KTN1: variants seen among roughly 807,000 people sequenced by gnomAD.
The protein encoded by KTN1 is kinectin.
KTN1 carries 130 observed loss-of-function variants against 222.5 expected under a neutral mutation model. The observed-to-expected ratio is 0.58, with a 90% CI of 0.51 to 0.68. KTN1 has a LOEUF of 0.68. Among genes scored for constraint, KTN1 ranks in the 30% least tolerant of loss-of-function variants. The probability of loss-of-function intolerance (pLI) is 0.00; values close to 1 mark genes in which losing one functional copy is unlikely to be tolerated. For missense variants in KTN1, 1,508 were observed against 1,500.4 expected, an observed-to-expected ratio of 1.01 and a Z score of -0.08; for synonymous variants, 512 against 496.3, an observed-to-expected ratio of 1.03 and a Z score of -0.42.
chr14:55,653,707 A>G (rs2043171745), intron 28 of KTN1, 111 bp downstream of exon 28: 5 of 744,448 alleles, frequency 6.7e-6, no homozygotes, highest in Non-Finnish European at 1.1e-5. Context: ...TTTATTGTTA[A>G]GTGGAAATTA....
chr14:55,640,014 T>C lies in KTN1; in HGVS notation c.1914+11T>C, dbSNP rs1322337808. On this transcript the variant is annotated intron_variant, in intron 14 of 43. Transcript: ENST00000395314. Reference sequence around the variant, plus strand: ...GAAGAGGAACTTAAGGTATAGTAATTTGTATAAATGGCTGCAATATTTTAC... The same window carrying C: ...GAAGAGGAACTTAAGGTATAGTAATCTGTATAAATGGCTGCAATATTTTAC... 3 of 1,463,512 alleles carry C rather than the reference T, an allele frequency of 2.0e-6. No individual in the cohort carries two copies. The highest frequency in any genetic ancestry group is 1.4e-5 in the African/African-American group (1 of 71,828). 90.7% of individuals were successfully genotyped at this position (1,463,512 alleles called of 1,614,324 possible).
chr14:55,627,901 C>T lies in KTN1; in HGVS notation c.964-11C>T, dbSNP rs1237527301. On this transcript the variant is annotated splice_polypyrimidine_tract_variant and intron_variant, in intron 5 of 43. Coordinates refer to ENST00000395314, the MANE Select transcript of KTN1 (RefSeq NM_001079521.2). ...ACTATTACTAATTCTGCATTGCTTT[C>T]TCAATTGCAGTCAAGTAAGGGAGAA... The T allele has an allele frequency of 3.3e-5, 50 of 1,494,052 alleles. No individual in the cohort carries two copies. The highest frequency in any genetic ancestry group is 4.1e-5 in the Non-Finnish European group (44 of 1,072,910). 92.5% of individuals were successfully genotyped at this position (1,494,052 alleles called of 1,614,324 possible). A position where few individuals can be genotyped will look rare whatever the true frequency, so the allele number is the denominator to read the frequency against.
Position 55,673,212 on chromosome 14 carries a change from A to G in KTN1, c.3728A>G (p.Asp1243Gly). 6.2e-7 allele frequency: 1 copy of G among 1,613,222 alleles called. No individual in the cohort carries two copies. The highest frequency in any genetic ancestry group is 8.5e-7 in the Non-Finnish European group (1 of 1,179,428). ...LLTELQKKLD[D>G]SYSEAVRQNE... is the part of the protein sequence containing the mutation. ...ACTGAATTGCAGAAAAAACTTGATG[A>G]TTCATATTCTGAAGCAGTAAGACAG... Residue 1243 changes from aspartate to glycine, a missense_variant, in exon 40 of 44, where the codon GAT (aspartate) becomes GGT (glycine). By Grantham distance (94) the Asp-to-Gly change is moderately conservative (BLOSUM62 -1). Transcript: ENST00000395314.
rs747850716 is a variant in KTN1, at chr14:55,637,304, G to A, written c.1656G>A (p.Gln552=). The change falls in exon 11 of 44, where the codon CAG becomes CAA. Residue 552 remains glutamine, a synonymous_variant. Transcript: ENST00000395314. ...SKQQLEQRLM[Q]LMESEQKRVN... ...AACAGTTGGAGCAAAGACTAATGCA[G>A]TTAATGGAATCAGAGCAGAAAAGGG... 1.2e-6 allele frequency: 2 copies of A among 1,610,748 alleles called. No homozygotes were observed. Among genetic ancestry groups the A allele is most frequent in the Admixed American group, 1.7e-5 (1 of 59,888 alleles).
At chr14:55,661,740 C>T (rs947792805) in intron 32 of KTN1, 128 bp downstream of exon 32, 41 of 483,096 alleles carry the variant, frequency 8.5e-5, no homozygotes, top group Non-Finnish European at 1.3e-4. Flanking sequence ...GTACTATTTT[C>T]TGTGTGTAGT....
At chr14:55,680,613 G>T (rs2046280664) in intron 43 of KTN1, 1 of 801,522 alleles carries the variant, frequency 1.2e-6, no homozygotes, top group African/African-American at 1.8e-5. Flanking sequence ...GCCTCAGGGA[G>T]AGCTTAGGTA....
At chr14:55,586,936 C>T (rs1031408935) in intron 1 of KTN1, among the ~76,000 whole-genome samples, 1 of 152,230 alleles carries the variant, frequency 6.6e-6, no homozygotes, top group South Asian at 2.1e-4. Flanking sequence ...ATGGTTACCT[C>T]GAAAACGCCA....
intron 33 of KTN1, among the ~76,000 whole-genome samples, chr14:55,666,699 A>G (rs1363548363): frequency 6.6e-6 from 1 of 151,754 alleles, no homozygotes; most frequent in Admixed American, 6.6e-5. Flanking sequence ...TTTCCCATTT[A>G]TGTCATCCAT....
Position 55,635,896 on chromosome 14 carries a change from A to G in KTN1, c.1462-553A>G, listed in dbSNP as rs991865755. Reference sequence around the variant, plus strand: ...TCTTAAGTCTTGTTGGGAGATTGATATAAGTATCCTTTCTTTTATTTAATA... The same window carrying G: ...TCTTAAGTCTTGTTGGGAGATTGATGTAAGTATCCTTTCTTTTATTTAATA... On this transcript the variant is annotated intron_variant, in intron 9 of 43. Coordinates refer to ENST00000395314, the MANE Select transcript of KTN1 (RefSeq NM_001079521.2). Among the ~76,000 whole-genome samples, 5 of 152,292 alleles carry G rather than the reference A, an allele frequency of 3.3e-5. No individual in the cohort carries two copies. The East Asian group carries it at 7.7e-4, about 23-fold the overall frequency.
intron 29 of KTN1, among the ~76,000 whole-genome samples, chr14:55,656,582 T>C (rs2043501033): frequency 6.6e-6 from 1 of 151,936 alleles, no homozygotes; most frequent in Non-Finnish European, 1.5e-5. Flanking sequence ...CTCCTTGCCT[T>C]AGCCTCTAGA....
chr14:55,613,107 G>A (rs955142786), intron 2 of KTN1, among the ~76,000 whole-genome samples: 1 of 152,072 alleles, frequency 6.6e-6, no homozygotes, highest in Non-Finnish European at 1.5e-5. Context: ...TTTATGCTAG[G>A]CATTATGCTA....
At chr14:55,602,507 A>AATCACTTTAATC in intron 1 of KTN1, among the ~76,000 whole-genome samples, 1 of 152,206 alleles carries the variant, frequency 6.6e-6, no homozygotes, top group African/African-American at 2.4e-5. Context: ...TCAGTGGAAG[A>AATCACTTTAATC]TTAAAGTGAG....
chr14:55,643,791 C>T (rs954159013), intron 18 of KTN1, among the ~76,000 whole-genome samples: 2 of 151,988 alleles, frequency 1.3e-5, no homozygotes, highest in Non-Finnish European at 2.9e-5. Context: ...TGTAAAATTC[C>T]CAATCATATT....
intron 42 of KTN1, 70 bp downstream of exon 42, chr14:55,678,514 A>G (rs1472565286): frequency 2.9e-5 from 26 of 891,076 alleles, no homozygotes; most frequent in African/African-American, 3.3e-5. Context: ...ACAAAAATGT[A>G]TAAGGTCCAT....
chr14:55,588,553 C>T (rs146448094), intron 1 of KTN1, among the ~76,000 whole-genome samples: 1 of 152,244 alleles, frequency 6.6e-6, no homozygotes, highest in East Asian at 1.9e-4. Flanking sequence ...GGACAGAATG[C>T]TCATGTGGAG....
At chr14:55,646,460 T>TTTTTCC (rs2042312174) in intron 18 of KTN1, among the ~76,000 whole-genome samples, 1 of 48,978 alleles carries the variant, frequency 2.0e-5, no homozygotes, top group East Asian at 5.7e-4. Flanking sequence ...TTCCTTTTCC[T>TTTTTCC]TTTCCTTTCC....
chr14:55,632,537 A>G (rs1317882298), intron 7 of KTN1, among the ~76,000 whole-genome samples: 3 of 152,116 alleles, frequency 2.0e-5, no homozygotes, highest in Admixed American at 1.3e-4. Context: ...CTGCAGGGAG[A>G]GGAATGGGAG....
chr14:55,623,454 A>G (rs773409110), intron 5 of KTN1, among the ~76,000 whole-genome samples: 1 of 152,180 alleles, frequency 6.6e-6, no homozygotes, highest in African/African-American at 2.4e-5. Context: ...ATCTCTGCTC[A>G]CCGTAGCCTT....
chr14:55,675,440 T>C (rs1028944140), intron 40 of KTN1: 1 of 160,094 alleles, frequency 6.2e-6, no homozygotes, highest in Non-Finnish European at 1.4e-5. Context: ...AAATATTGTA[T>C]AATTGACTCT....
Sources: allele counts gnomAD v4.1 joint callset (sites outside exome capture counted in the v4.1 genomes callset), GRCh38; gene constraint gnomAD v4.1.1; transcripts MANE v1.5; gene names NCBI Gene and HGNC (gene_info 2026-07-23, HGNC 2026-07-21).